RRP9: variants seen among roughly 807,000 people sequenced by gnomAD.
RRP9 encodes the protein U3 small nucleolar RNA-interacting protein 2.
A neutral mutation model predicts 65.5 loss-of-function variants in RRP9; 35 were observed. The ratio of observed to expected loss-of-function variants is 0.53; its 90% CI spans 0.41 to 0.71. The LOEUF is 0.71. Among genes scored for constraint, RRP9 ranks in the 30% least tolerant of loss-of-function variants. RRP9 has a pLI of 0.00. For synonymous variants in RRP9, 254 were observed against 245.0 expected, an observed-to-expected ratio of 1.04 and a Z score of -0.34; for missense variants, 533 against 633.6, an observed-to-expected ratio of 0.84 and a Z score of 1.70.
chr3:51,934,456 A>G lies in RRP9; in HGVS notation c.1260+16T>C. 6.2e-7 allele frequency: 1 copy of G among 1,608,722 alleles called. No individual in the cohort carries two copies. The highest frequency in any genetic ancestry group is 1.1e-5 in the South Asian group (1 of 90,214). On this transcript the variant is annotated intron_variant, in intron 13 of 14. Coordinates refer to ENST00000232888, the MANE Select transcript of RRP9 (RefSeq NM_004704.5). The surrounding 1 kb of genome is among the most constrained non-coding windows in gnomAD (Gnocchi z 4.1). ...TGTGGCAGAGACAGGCTGAGCATTC[A>G]AGCACACTCACTCACCAGGGGGATG...
Position 51,937,128 on chromosome 3 carries a change from C to T in RRP9, c.517+64G>A. On this transcript the variant is annotated intron_variant, in intron 6 of 14. Coordinates refer to ENST00000232888, the MANE Select transcript of RRP9 (RefSeq NM_004704.5). This position sits in a 1 kb window ranked among gnomAD's most constrained non-coding sequence, Gnocchi z 5.0. ...GCTCAGCCTGCCATGACCACTCCCACTCCCCTGACCAGCCCTCCCGGATCC... is the reference window on the plus strand; with the variant it reads ...GCTCAGCCTGCCATGACCACTCCCATTCCCCTGACCAGCCCTCCCGGATCC... 4.4e-6 allele frequency: 7 copies of T among 1,594,768 alleles called. No homozygotes were observed. Among genetic ancestry groups the T allele is most frequent in the Non-Finnish European group, 5.1e-6 (6 of 1,168,800 alleles).
intron 8 of RRP9, among the ~76,000 whole-genome samples, chr3:51,935,925 G>A (rs956028963): frequency 2.6e-5 from 4 of 152,104 alleles, no homozygotes; most frequent in South Asian, 2.1e-4. Context: ...GCAGTGGTGC[G>A]ATCATAGCTC....
Position 51,934,492 on chromosome 3 carries a change from G to T in RRP9, c.1240C>A (p.Leu414Ile). 1 of 1,613,832 alleles carries T rather than the reference G, an allele frequency of 6.2e-7. No homozygotes were observed. The highest frequency in any genetic ancestry group is 8.5e-7 in the Non-Finnish European group (1 of 1,179,820). The change falls in exon 13 of 15, where the codon CTT (leucine) becomes ATT (isoleucine). Residue 414 changes from leucine to isoleucine, a missense_variant. Coordinates refer to ENST00000232888, the MANE Select transcript of RRP9 (RefSeq NM_004704.5). This position sits in a 1 kb window ranked among gnomAD's most constrained non-coding sequence, Gnocchi z 4.1. ...QCGEGFRQLD[L>I]LCDIPLVGFI... ...CTCACCAGGGGGATGTCACAGAGAA[G>T]GTCAAGCTGCCGGAAGCCTTCCCCA...
chr3:51,940,154 G>C (rs1699503786), intron 2 of RRP9, among the ~76,000 whole-genome samples: 1 of 152,134 alleles, frequency 6.6e-6, no homozygotes, highest in African/African-American at 2.4e-5. Context: ...TACTCAGGTG[G>C]CTGAGGCAGG....
chr3:51,941,620 C>A, intron 1 of RRP9, 129 bp from the exon 2 acceptor site: 1 of 1,122,732 alleles, frequency 8.9e-7, no homozygotes. Context: ...GTTAAGCGAA[C>A]GGCTTTCTAG....
chr3:51,938,989 G>A lies in RRP9; in HGVS notation c.171-785C>T, dbSNP rs142172437. Among the ~76,000 whole-genome samples, 148 of 152,214 alleles carry A rather than the reference G, an allele frequency of 9.7e-4. 1 individual carries two copies. The highest frequency in any genetic ancestry group is 3.2e-3 in the African/African-American group (133 of 41,518). On this transcript the variant is annotated intron_variant, in intron 2 of 14. Coordinates refer to ENST00000232888, the MANE Select transcript of RRP9 (RefSeq NM_004704.5). ...CTTTCCCCTCCATGCCCCAGCCCCC[G>A]GACCAGCTGAGAGTACTCACTTCAC...
chr3:51,935,979 G>A (rs930517096), intron 8 of RRP9, among the ~76,000 whole-genome samples: 9 of 152,068 alleles, frequency 5.9e-5, no homozygotes, highest in Non-Finnish European at 1.3e-4. Context: ...CTCCATCTCG[G>A]CCTCCCAAAG....
Position 51,934,547 on chromosome 3 carries a change from GGAGCC to G in RRP9, c.1181-1_1184del, listed in dbSNP as rs1225025919. On this transcript the variant is annotated splice_acceptor_variant and coding_sequence_variant, in exon 13 of 15. Coordinates refer to ENST00000232888, the MANE Select transcript of RRP9 (RefSeq NM_004704.5). LOFTEE classifies it high-confidence loss of function. This position sits in a 1 kb window ranked among gnomAD's most constrained non-coding sequence, Gnocchi z 4.1. ...GCCAAAGCCGCACACAGGAGCTGTG[GGAGCC>G]TGGGGAGACTGGAACAGTGAGCAAC... 6.2e-7 allele frequency: 1 copy of G among 1,613,998 alleles called. No individual in the cohort carries two copies. Among genetic ancestry groups the G allele is most frequent in the Non-Finnish European group, 8.5e-7 (1 of 1,179,922 alleles).
chr3:51,933,981 G>T (rs1019159022), intron 13 of RRP9, among the ~76,000 whole-genome samples, 200 bp from the exon 14 acceptor site: 21 of 152,304 alleles, frequency 1.4e-4, no homozygotes, highest in African/African-American at 4.8e-4. Context: ...CAGAGCACGG[G>T]GCTAGCAGTG....
chr3:51,935,819 C>T lies in RRP9; in HGVS notation c.736-127G>A, dbSNP rs374271055. On this transcript the variant is annotated intron_variant, in intron 8 of 14. Coordinates refer to ENST00000232888, the MANE Select transcript of RRP9 (RefSeq NM_004704.5). ...GTGCTGTGAGGCAATTTTGTACTGCCCACATGCCCATCTGCCCCTGAGCAG... is the reference window on the plus strand; with the variant it reads ...GTGCTGTGAGGCAATTTTGTACTGCTCACATGCCCATCTGCCCCTGAGCAG... 1.7e-4 allele frequency: 118 copies of T among 707,630 alleles called. No homozygotes were observed. The African/African-American group carries it at 1.9e-3, about 11-fold the overall frequency. 43.8% of individuals were successfully genotyped at this position (707,630 alleles called of 1,614,324 possible).
chr3:51,933,693 G>T lies in RRP9; in HGVS notation c.1334+15C>A. 1.2e-6 allele frequency: 2 copies of T among 1,613,686 alleles called. No individual in the cohort carries two copies. Among genetic ancestry groups the T allele is most frequent in the Non-Finnish European group, 1.7e-6 (2 of 1,179,778 alleles). On this transcript the variant is annotated intron_variant, in intron 14 of 14. Transcript: ENST00000232888. ...CCTGCACCACCTTACCTGAACCCTC[G>T]AGGGCCACACATACCTGTGCTCCTG...
chr3:51,936,524 C>G lies in RRP9; in HGVS notation c.549G>C (p.Val183=), dbSNP rs202156389. ...WSVESGRKLH[V]IPRAKKGAEG... ...CGGCACCCTTCTTGGCTCGAGGAAT[C>G]ACATGCAGCTTCCGTCCACTCTCCA... Residue 183 remains valine, a synonymous_variant, in exon 7 of 15, where the codon GTG becomes GTC. Coordinates refer to ENST00000232888, the MANE Select transcript of RRP9 (RefSeq NM_004704.5). 2.5e-6 allele frequency: 4 copies of G among 1,614,148 alleles called. No individual in the cohort carries two copies. The highest frequency in any genetic ancestry group is 3.4e-6 in the Non-Finnish European group (4 of 1,180,016).
chr3:51,936,445 C>A lies in RRP9; in HGVS notation c.628G>T (p.Asp210Tyr). 1.2e-6 allele frequency: 2 copies of A among 1,614,228 alleles called. No homozygotes were observed. The highest frequency in any genetic ancestry group is 1.7e-6 in the Non-Finnish European group (2 of 1,180,044). The change falls in exon 7 of 15, where the codon GAC (aspartate) becomes TAC (tyrosine). Residue 210 changes from aspartate to tyrosine, a missense_variant. Transcript: ENST00000232888. ...SHVLCMAISSDGKYLASGDRS... is the reference protein window; with the variant it reads ...SHVLCMAISSYGKYLASGDRS... ...CCTGGCCTTACAAGGTACTTGCCGTCGGAGGAGATGGCCATGCAGAGGACG... is the reference window on the plus strand; with the variant it reads ...CCTGGCCTTACAAGGTACTTGCCGTAGGAGGAGATGGCCATGCAGAGGACG...
intron 2 of RRP9, 99 bp from the exon 3 acceptor site, chr3:51,938,303 T>G: frequency 1.2e-6 from 1 of 827,484 alleles, no homozygotes; most frequent in South Asian, 1.6e-5. Flanking sequence ...CAACCTCCCC[T>G]ATTCCCTGCT....
At position 51,937,494 on chromosome 3, in the gene RRP9, T is replaced by C. The variant is rs766660519; in HGVS notation, c.390+51A>G. 1 of 1,613,218 alleles carries C rather than the reference T, an allele frequency of 6.2e-7. No individual in the cohort carries two copies. The highest frequency in any genetic ancestry group is 8.5e-7 in the Non-Finnish European group (1 of 1,179,204). On this transcript the variant is annotated intron_variant, in intron 5 of 14. Transcript: ENST00000232888. The surrounding 1 kb of genome is among the most constrained non-coding windows in gnomAD (Gnocchi z 5.0). ...GCCCAAGTGTCCACCATGTTCCAAG[T>C]GGGGCCCCCAATTCCCTCCAACCTT...
At position 51,934,364 on chromosome 3, in the gene RRP9, G is replaced by T; in HGVS notation, c.1260+108C>A. On this transcript the variant is annotated intron_variant, in intron 13 of 14. Coordinates refer to ENST00000232888, the MANE Select transcript of RRP9 (RefSeq NM_004704.5). This position sits in a 1 kb window ranked among gnomAD's most constrained non-coding sequence, Gnocchi z 4.1. ...AGGCCCTGTGCTAGGAGCTGGCCCT[G>T]CCCTGAGAAGGTTCCCTTCTGGCAG... 1 of 1,180,626 alleles carries T rather than the reference G, an allele frequency of 8.5e-7. No homozygotes were observed. The highest frequency in any genetic ancestry group is 1.2e-6 in the Non-Finnish European group (1 of 836,940). The allele number at this position is 1,180,626 out of a possible 1,614,324, so 73.1% of individuals were successfully genotyped here.
intron 11 of RRP9, 80 bp downstream of exon 11, chr3:51,935,117 T>G: frequency 8.0e-7 from 1 of 1,247,976 alleles, no homozygotes. Context: ...GGGGGTGCCC[T>G]GAGGCAAGCT....
rs543202557 is a variant in RRP9 at position 51,941,592 on chromosome 3, G to T, written c.88-101C>A. Reference sequence around the variant, plus strand: ...GTTCCCTCAGAACCCCAGGAATGGGGAAGGCGGTGGTTCCCGGGTTAAGCG... The same window carrying T: ...GTTCCCTCAGAACCCCAGGAATGGGTAAGGCGGTGGTTCCCGGGTTAAGCG... On this transcript the variant is annotated intron_variant, in intron 1 of 14. Coordinates refer to ENST00000232888, the MANE Select transcript of RRP9 (RefSeq NM_004704.5). The T allele has an allele frequency of 3.2e-6, 4 of 1,241,066 alleles. No homozygotes were observed. In the East Asian group the frequency reaches 7.0e-5, roughly 22 times the overall value. 76.9% of individuals were successfully genotyped at this position (1,241,066 alleles called of 1,614,324 possible).
At position 51,933,497 on chromosome 3, in the gene RRP9, A is replaced by T. The variant is rs749010045; in HGVS notation, c.*9T>A. On this transcript the variant is annotated 3_prime_UTR_variant, in exon 15 of 15. Transcript: ENST00000232888. Reference sequence around the variant, plus strand: ...CCTGGGAAGGACTTAAATAAGGAGGATAAGAGTGTCAGGAACCAGCAGCTG... The same window carrying T: ...CCTGGGAAGGACTTAAATAAGGAGGTTAAGAGTGTCAGGAACCAGCAGCTG... 2 of 1,609,808 alleles carry T rather than the reference A, an allele frequency of 1.2e-6. No individual in the cohort carries two copies. Among genetic ancestry groups the T allele is most frequent in the Non-Finnish European group, 8.5e-7 (1 of 1,176,422 alleles).
Sources: gnomAD v4.1 joint callset for allele counts (sites outside exome capture counted in the v4.1 genomes callset) on GRCh38, gnomAD v4.1.1 for gene constraint, Gnocchi (gnomAD v3.1) non-coding constraint, MANE v1.5 for transcripts, NCBI Gene and HGNC (gene_info 2026-07-23, HGNC 2026-07-21) for gene names.